UBE2G1: variants seen among roughly 807,000 people sequenced by gnomAD.
UBE2G1 encodes the protein ubiquitin-conjugating enzyme E2 G1.
UBE2G1 carries 5 observed loss-of-function variants against 22.7 expected under a neutral mutation model. The ratio of observed to expected loss-of-function variants is 0.22; its 90% CI spans 0.12 to 0.46. The LOEUF (loss-of-function observed/expected upper bound fraction) is 0.46. Among genes scored for constraint, UBE2G1 ranks in the 20% least tolerant of loss-of-function variants. The pLI is 0.99. For missense variants in UBE2G1, 88 were observed against 203.9 expected, an observed-to-expected ratio of 0.43 and a Z score of 3.46; for synonymous variants, 74 against 67.5, an observed-to-expected ratio of 1.10 and a Z score of -0.47.
intron 1 of UBE2G1, among the ~76,000 whole-genome samples, chr17:4,345,401 A>G (rs1042234885): frequency 2.0e-5 from 3 of 152,254 alleles, no homozygotes; most frequent in African/African-American, 4.8e-5. Flanking sequence ...CTTTCATTCT[A>G]TAAAGAAAAT....
At chr17:4,307,876 G>T (rs1343590972) in intron 1 of UBE2G1, among the ~76,000 whole-genome samples, 1 of 152,164 alleles carries the variant, frequency 6.6e-6, no homozygotes, top group Non-Finnish European at 1.5e-5. Flanking sequence ...TGGCAAGGTG[G>T]GGGCACACAG....
chr17:4,284,418 G>A (rs1221683645), intron 4 of UBE2G1, among the ~76,000 whole-genome samples: 1 of 151,788 alleles, frequency 6.6e-6, no homozygotes, highest in Non-Finnish European at 1.5e-5. Context: ...GGCCAACATG[G>A]TGAAACCCCA....
chr17:4,335,672 C>G (rs1378649919), intron 1 of UBE2G1, among the ~76,000 whole-genome samples: 1 of 152,124 alleles, frequency 6.6e-6, no homozygotes, highest in African/African-American at 2.4e-5. Context: ...AATCAGCATG[C>G]ATATTTCAAT....
intron 2 of UBE2G1, among the ~76,000 whole-genome samples, chr17:4,303,669 T>C (rs1002823055): frequency 1.3e-5 from 2 of 152,214 alleles, no homozygotes; most frequent in African/African-American, 4.8e-5. Context: ...AGAACTTCAT[T>C]ACAGAAGAGA....
intron 3 of UBE2G1, among the ~76,000 whole-genome samples, chr17:4,291,540 A>G (rs1019595279): frequency 5.3e-5 from 8 of 152,086 alleles, no homozygotes; most frequent in Non-Finnish European, 1.0e-4. Context: ...TTCTACCACC[A>G]CTATATAAGA....
rs1716510136 is a variant in UBE2G1, at chr17:4,289,283, T to C, written c.373A>G (p.Ile125Val). The C allele has an allele frequency of 6.3e-7, 1 of 1,597,642 alleles. No homozygotes were observed. Among genetic ancestry groups the C allele is most frequent in the African/African-American group, 1.3e-5 (1 of 74,234 alleles). Residue 125 changes from isoleucine to valine, a missense_variant, in exon 4 of 6, where the codon ATT (isoleucine) becomes GTT (valine). Around this residue, in one of 2 missense-constraint regions of UBE2G1, gnomAD observed 38 missense variants for 132.9 expected, o/e 0.29. Coordinates refer to ENST00000396981, the MANE Select transcript of UBE2G1 (RefSeq NM_003342.5). Reference protein sequence around the residue: ...HTVETIMISVISMLADPNGDS... With the variant: ...HTVETIMISVVSMLADPNGDS... ...CCATTAGGGTCTGCCAGCATAGAAATGACACTAATCATGATGGTTTCCACA... is the reference window on the plus strand; with the variant it reads ...CCATTAGGGTCTGCCAGCATAGAAACGACACTAATCATGATGGTTTCCACA...
At position 4,307,274 on chromosome 17, in the gene UBE2G1, A is replaced by G. The variant is rs1760051310; in HGVS notation, c.47-151T>C. 3.3e-5 allele frequency: 21 copies of G among 643,580 alleles called. No homozygotes were observed. The South Asian group carries it at 3.6e-4, about 11-fold the overall frequency. 39.9% of individuals were successfully genotyped at this position (643,580 alleles called of 1,614,324 possible). On this transcript the variant is annotated intron_variant, in intron 1 of 5. Coordinates refer to ENST00000396981, the MANE Select transcript of UBE2G1 (RefSeq NM_003342.5). The stretch of plus-strand genomic sequence containing the variant: ...AGGCAAAATGCTACTTGATGGCCAA[A>G]ACATTTTCATGCCTATACTGTAAGA...
intron 2 of UBE2G1, among the ~76,000 whole-genome samples, chr17:4,305,544 G>A (rs1233210605): frequency 6.6e-6 from 1 of 152,100 alleles, no homozygotes; most frequent in Non-Finnish European, 1.5e-5. Flanking sequence ...ACCAGAGACG[G>A]TTTTGTTTTC....
rs892251020 is a variant in UBE2G1 at position 4,363,263 on chromosome 17, C to T, written c.46+3008G>A. Among the ~76,000 whole-genome samples, 19 of 152,146 alleles carry T rather than the reference C, an allele frequency of 1.2e-4. 1 individual carries two copies. The South Asian group carries it at 1.7e-3, about 13-fold the overall frequency. The stretch of plus-strand genomic sequence containing the variant: ...CATTTTGAGCATGTTAATTAACATG[C>T]TTCAAATTTTAAAAAAAAATTAAAA... On this transcript the variant is annotated intron_variant, in intron 1 of 5. Transcript: ENST00000396981.
At chr17:4,331,496 T>C (rs942099826) in intron 1 of UBE2G1, among the ~76,000 whole-genome samples, 1 of 152,204 alleles carries the variant, frequency 6.6e-6, no homozygotes, top group African/African-American at 2.4e-5. Context: ...TGAATATATC[T>C]AACTCTTAAA....
chr17:4,314,398 G>A (rs892100554), intron 1 of UBE2G1, among the ~76,000 whole-genome samples: 2 of 152,180 alleles, frequency 1.3e-5, no homozygotes, highest in African/African-American at 2.4e-5. Context: ...CTTGAAATAT[G>A]CAAGTTTAAA....
chr17:4,300,370 C>T (rs2063861712), intron 2 of UBE2G1, among the ~76,000 whole-genome samples: 1 of 151,284 alleles, frequency 6.6e-6, no homozygotes, highest in African/African-American at 2.4e-5. Context: ...TGGTGAAACG[C>T]CGTCTCTACT....
Position 4,282,902 on chromosome 17 carries a change from C to G in UBE2G1, c.446G>C (p.Arg149Thr). The G allele has an allele frequency of 1.9e-6, 3 of 1,613,354 alleles. No individual in the cohort carries two copies. Among genetic ancestry groups the G allele is most frequent in the Non-Finnish European group, 2.5e-6 (3 of 1,179,698 alleles). Residue 149 changes from arginine (R) to threonine (T), a missense_variant, in exon 5 of 6, where the codon AGA becomes ACA. Around this residue, in one of 2 missense-constraint regions of UBE2G1, gnomAD observed 38 missense variants for 132.9 expected, o/e 0.29. Transcript: ENST00000396981. Reference sequence around the variant, plus strand: ...AACTTTTCTTTTAAATTCTCCATTTCTATCTTCCCTCCATTCTTTCTGTAG... The same window carrying G: ...AACTTTTCTTTTAAATTCTCCATTTGTATCTTCCCTCCATTCTTTCTGTAG... ...VDAAKEWREDRNGEFKRKVAR... is the reference protein window; with the variant it reads ...VDAAKEWREDTNGEFKRKVAR...
intron 1 of UBE2G1, among the ~76,000 whole-genome samples, chr17:4,309,753 T>A (rs1598189080): frequency 6.6e-6 from 1 of 152,298 alleles, no homozygotes; most frequent in Non-Finnish European, 1.5e-5. Flanking sequence ...CTATAATATA[T>A]CCAGAAATCA....
At chr17:4,317,644 T>C (rs758940531) in intron 1 of UBE2G1, among the ~76,000 whole-genome samples, 11 of 152,214 alleles carry the variant, frequency 7.2e-5, no homozygotes, top group African/African-American at 2.2e-4. Context: ...TTTGTCAATA[T>C]GCTTCCCAAA....
At chr17:4,308,207 G>C (rs1484164644) in intron 1 of UBE2G1, among the ~76,000 whole-genome samples, 1 of 152,164 alleles carries the variant, frequency 6.6e-6, no homozygotes, top group Non-Finnish European at 1.5e-5. Context: ...TACAAAATTA[G>C]CTGGGCGTAG....
chr17:4,343,895 T>C (rs994827304), intron 1 of UBE2G1, among the ~76,000 whole-genome samples: 1 of 152,096 alleles, frequency 6.6e-6, no homozygotes, highest in African/African-American at 2.4e-5. Flanking sequence ...CCTCAAACCT[T>C]TTTTCAAGAG....
chr17:4,281,147 C>G (rs1471503439), intron 5 of UBE2G1, among the ~76,000 whole-genome samples: 1 of 152,096 alleles, frequency 6.6e-6, no homozygotes, highest in African/African-American at 2.4e-5. Flanking sequence ...CACCCCTACA[C>G]CAATTCAGAA....
At chr17:4,327,657 A>C (rs1424352372) in intron 1 of UBE2G1, among the ~76,000 whole-genome samples, 1 of 152,122 alleles carries the variant, frequency 6.6e-6, no homozygotes, top group Non-Finnish European at 1.5e-5. Context: ...GAGTAGTTAA[A>C]AAGTCCAATA....
Sources: gnomAD v4.1 joint callset for allele counts (sites outside exome capture counted in the v4.1 genomes callset) on GRCh38, gnomAD v4.1.1 for gene constraint, gnomAD v4.1.1 regional missense constraint, MANE v1.5 for transcripts, NCBI Gene and HGNC (gene_info 2026-07-23, HGNC 2026-07-21) for gene names.